Variants in DENND5B observed in about 807,000 individuals in gnomAD.
DENND5B encodes DENN domain-containing protein 5B.
DENND5B carries 34 observed loss-of-function variants against 140.6 expected under a neutral mutation model. That is an observed-to-expected ratio of 0.24 (90% CI 0.18 to 0.32). The LOEUF (loss-of-function observed/expected upper bound fraction) is 0.32, where lower values mean the gene tolerates loss of function less well. Ranked by LOEUF, DENND5B falls within the 10% of genes least tolerant of loss-of-function variation. DENND5B has a pLI of 1.00. For synonymous variants in DENND5B, 551 were observed against 562.1 expected (o/e 0.98, Z 0.28); for missense variants, 1,142 against 1,560.2 (o/e 0.73, Z 4.52).
At chr12:31,566,373 A>T (rs80201236) in intron 1 of DENND5B, among the ~76,000 whole-genome samples, 1,716 of 95,372 alleles carry the variant, frequency 0.018, 19 homozygotes, top group East Asian at 0.044. Context: ...TGTGTGTGTA[A>T]TTCAAGCAAT....
intron 1 of DENND5B, chr12:31,535,333 G>A (rs1295826268): frequency 6.2e-6 from 1 of 160,990 alleles, no homozygotes; most frequent in African/African-American, 2.4e-5. Context: ...CAGTCCCAGT[G>A]GTGGTAGCCA....
intron 2 of DENND5B, among the ~76,000 whole-genome samples, chr12:31,486,098 G>A (rs1377693945): frequency 1.3e-5 from 2 of 152,214 alleles, no homozygotes; most frequent in Non-Finnish European, 2.9e-5. Context: ...AAATATATGT[G>A]TGCCTCCAAA....
chr12:31,519,159 T>G (rs1281423690), intron 1 of DENND5B, among the ~76,000 whole-genome samples: 1 of 152,240 alleles, frequency 6.6e-6, no homozygotes, highest in African/African-American at 2.4e-5. Flanking sequence ...ATTTGCTCTA[T>G]TTCTTTCTTT....
chr12:31,422,483 C>G (rs1281253508), intron 11 of DENND5B, among the ~76,000 whole-genome samples: 5 of 151,738 alleles, frequency 3.3e-5, no homozygotes, highest in African/African-American at 1.2e-4. Flanking sequence ...CACCTGTAAT[C>G]CCAGCTACTC....
chr12:31,429,997 G>A (rs910906773), intron 8 of DENND5B, among the ~76,000 whole-genome samples: 7 of 151,464 alleles, frequency 4.6e-5, no homozygotes, highest in African/African-American at 7.3e-5. Context: ...GTGAGCCACC[G>A]CCCAGCCTGA....
intron 11 of DENND5B, among the ~76,000 whole-genome samples, chr12:31,418,652 T>A (rs1299196335): frequency 6.6e-6 from 1 of 152,062 alleles, no homozygotes; most frequent in Non-Finnish European, 1.5e-5. Flanking sequence ...ACACTCCAGA[T>A]GATTAGACAG....
intron 12 of DENND5B, among the ~76,000 whole-genome samples, chr12:31,413,892 A>G (rs1942593067): frequency 6.6e-6 from 1 of 152,198 alleles, no homozygotes; most frequent in Non-Finnish European, 1.5e-5. Flanking sequence ...CTGATGCTCC[A>G]AAAAAAGTAA....
intron 6 of DENND5B, 117 bp from the exon 7 acceptor site, chr12:31,443,042 T>TA: frequency 3.6e-6 from 3 of 829,200 alleles, no homozygotes; most frequent in Non-Finnish European, 5.1e-6. Context: ...CTGAAACAGA[T>TA]ATTGTGTGTG....
At chr12:31,539,425 G>GA (rs930573151) in intron 1 of DENND5B, among the ~76,000 whole-genome samples, 14 of 151,508 alleles carry the variant, frequency 9.2e-5, no homozygotes, top group Non-Finnish European at 1.8e-4. Flanking sequence ...CATATTAAAA[G>GA]AAAAAAAATT....
At position 31,434,583 on chromosome 12, in the gene DENND5B, G is replaced by A. The variant is rs573545421; in HGVS notation, c.2013-1335C>T. ...TCCCTTATTCAAAGGTCCTTTTGTC[G>A]CCAGCCTAGCTACCTACAGGCTCCA... On this transcript the variant is annotated intron_variant, in intron 7 of 20. Transcript: ENST00000389082. Among the ~76,000 whole-genome samples, 8 of 152,062 alleles carry A rather than the reference G, an allele frequency of 5.3e-5. No individual in the cohort carries two copies. In the South Asian group the frequency reaches 1.0e-3, roughly 20 times the overall value.
intron 3 of DENND5B, among the ~76,000 whole-genome samples, chr12:31,474,489 A>G (rs911127011): frequency 2.0e-5 from 3 of 152,264 alleles, no homozygotes; most frequent in African/African-American, 7.2e-5. Flanking sequence ...GCTAGTTACC[A>G]CTGCAAAGTG....
chr12:31,535,719 T>C (rs1480622561), intron 1 of DENND5B, among the ~76,000 whole-genome samples: 2 of 152,120 alleles, frequency 1.3e-5, no homozygotes, highest in Non-Finnish European at 2.9e-5. Flanking sequence ...AGTAAATACC[T>C]GACTCTTCAA....
intron 6 of DENND5B, among the ~76,000 whole-genome samples, chr12:31,445,546 A>T (rs752114036): frequency 2.0e-5 from 3 of 152,168 alleles, no homozygotes; most frequent in African/African-American, 7.2e-5. Context: ...TCTACCAAAA[A>T]TACAAAAAAT....
At chr12:31,519,860 T>C (rs1037808607) in intron 1 of DENND5B, among the ~76,000 whole-genome samples, 7 of 152,218 alleles carry the variant, frequency 4.6e-5, no homozygotes, top group Non-Finnish European at 1.0e-4. Flanking sequence ...TTAGTATATT[T>C]ATAGAGTTGT....
intron 1 of DENND5B, among the ~76,000 whole-genome samples, chr12:31,528,122 T>C (rs1948150570): frequency 6.6e-6 from 1 of 152,240 alleles, no homozygotes; most frequent in Non-Finnish European, 1.5e-5. Flanking sequence ...GCTTGAAACT[T>C]ATTCTTTCAC....
At chr12:31,511,809 T>G (rs181007607) in intron 1 of DENND5B, among the ~76,000 whole-genome samples, 32 of 152,132 alleles carry the variant, frequency 2.1e-4, no homozygotes, top group African/African-American at 7.0e-4. Flanking sequence ...CTCCAAAATT[T>G]TTAAGTCACT....
chr12:31,557,284 T>C (rs1002160913), intron 1 of DENND5B, among the ~76,000 whole-genome samples: 3 of 152,258 alleles, frequency 2.0e-5, no homozygotes, highest in African/African-American at 7.2e-5. Flanking sequence ...GTTGAGTTGC[T>C]GTTCATTTTT....
chr12:31,464,051 CTTCT>C (rs1312728403), intron 3 of DENND5B, among the ~76,000 whole-genome samples: 3 of 152,114 alleles, frequency 2.0e-5, no homozygotes, highest in African/African-American at 7.2e-5. Flanking sequence ...GCAGAGTTTT[CTTCT>C]TTAAGCATTT....
intron 1 of DENND5B, among the ~76,000 whole-genome samples, chr12:31,587,556 T>A (rs1314626497): frequency 1.0e-5 from 1 of 98,208 alleles, no homozygotes; most frequent in African/African-American, 4.4e-5. Context: ...TTTTTTTTTT[T>A]TTTTTTTTTG....
Sources: gnomAD v4.1 joint callset for allele counts (sites outside exome capture counted in the v4.1 genomes callset) on GRCh38, gnomAD v4.1.1 for gene constraint, MANE v1.5 for transcripts, NCBI Gene and HGNC (gene_info 2026-07-23, HGNC 2026-07-21) for gene names.